SP100: variants seen among roughly 807,000 people sequenced by gnomAD.
SP100 encodes SP100 nuclear body protein.
A neutral mutation model predicts 130.0 loss-of-function variants in SP100; 84 were observed. The observed-to-expected ratio is 0.65, with a 90% CI of 0.54 to 0.77. The LOEUF (loss-of-function observed/expected upper bound fraction) is 0.77. Among genes scored for constraint, SP100 ranks in the 30% least tolerant of loss-of-function variants. SP100 has a pLI of 0.00. For missense variants in SP100, 978 were observed against 1,052.2 expected, an observed-to-expected ratio of 0.93 and a Z score of 0.97; for synonymous variants, 331 against 351.7, an observed-to-expected ratio of 0.94 and a Z score of 0.66.
intron 23 of SP100, chr2:230,508,311 C>CTTTTTT (rs10636838): frequency 1.2e-3 from 181 of 148,082 alleles, no homozygotes; most frequent in Middle Eastern, 3.3e-3. Context: ...AAATGCCATA[C>CTTTTTT]TTTTTTTTTT....
rs1198944857 is a variant in SP100 at position 230,444,246 on chromosome 2, G to A, written c.339G>A (p.Leu113=). 6.2e-7 allele frequency: 1 copy of A among 1,613,058 alleles called. No homozygotes were observed. The highest frequency in any genetic ancestry group is 8.5e-7 in the Non-Finnish European group (1 of 1,179,030). The change falls in exon 4 of 29, where the codon CTG becomes CTA. Residue 113 remains leucine (L), a synonymous_variant. Coordinates refer to ENST00000340126, the MANE Select transcript of SP100 (RefSeq NM_001080391.2). ...TGGTGTACAATGTTCTTAGTGAACTGGAGAAGACATTTAACCTGCCAGTTC... is the reference window on the plus strand; with the variant it reads ...TGGTGTACAATGTTCTTAGTGAACTAGAGAAGACATTTAACCTGCCAGTTC... ...QRVVYNVLSE[L]EKTFNLPVLE...
chr2:230,464,470 A>G (rs1649865), intron 11 of SP100, among the ~76,000 whole-genome samples: 1 of 152,232 alleles, frequency 6.6e-6, no homozygotes, highest in Middle Eastern at 3.2e-3. Context: ...GAAATAATGT[A>G]CTTATTCTCT....
At chr2:230,521,423 C>T (rs931429393) in intron 24 of SP100, among the ~76,000 whole-genome samples, 1 of 152,182 alleles carries the variant, frequency 6.6e-6, no homozygotes, top group African/African-American at 2.4e-5. Context: ...CGGTGCCTGC[C>T]TAACTGACTA....
intron 2 of SP100, among the ~76,000 whole-genome samples, chr2:230,420,481 C>A (rs1326154684): frequency 6.6e-6 from 1 of 152,000 alleles, no homozygotes; most frequent in Non-Finnish European, 1.5e-5. Context: ...TTCCTGATTT[C>A]AAGGGGAATA....
intron 21 of SP100, among the ~76,000 whole-genome samples, chr2:230,504,781 C>T (rs561846422): frequency 1.4e-3 from 212 of 152,138 alleles, no homozygotes; most frequent in South Asian, 6.6e-3. Context: ...CACAGTGAGC[C>T]CTCTTCTTCA....
At chr2:230,526,725 C>T (rs565223910) in intron 24 of SP100, among the ~76,000 whole-genome samples, 9 of 152,260 alleles carry the variant, frequency 5.9e-5, no homozygotes, top group African/African-American at 1.7e-4. Flanking sequence ...TGGAGAAGAA[C>T]TTAAATGACC....
intron 2 of SP100, among the ~76,000 whole-genome samples, chr2:230,422,749 G>T (rs1415848031): frequency 1.3e-5 from 2 of 152,114 alleles, no homozygotes; most frequent in African/African-American, 4.8e-5. Flanking sequence ...TGTTCAACCT[G>T]CCAGGCTTAA....
At chr2:230,534,839 CTAT>C (rs2150111505) in intron 24 of SP100, among the ~76,000 whole-genome samples, 1 of 152,088 alleles carries the variant, frequency 6.6e-6, no homozygotes, top group South Asian at 2.1e-4. Context: ...GTGTCTTTAA[CTAT>C]GGCTTGCTTA....
intron 19 of SP100, among the ~76,000 whole-genome samples, chr2:230,500,268 C>T (rs1006820036): frequency 3.3e-5 from 5 of 152,218 alleles, no homozygotes; most frequent in South Asian, 4.2e-4. Flanking sequence ...TTTGACTGCC[C>T]GGATATACAA....
intron 18 of SP100, among the ~76,000 whole-genome samples, chr2:230,495,465 G>A (rs952982893): frequency 7.2e-5 from 11 of 152,010 alleles, no homozygotes; most frequent in Admixed American, 2.6e-4. Context: ...GATTACAGGC[G>A]CATACCATCA....
chr2:230,449,048 C>G, intron 5 of SP100, 40 bp from the exon 6 acceptor site: 1 of 1,281,536 alleles, frequency 7.8e-7, no homozygotes, highest in Non-Finnish European at 1.1e-6. Flanking sequence ...AAAATCCATA[C>G]CTCGATTTCT....
intron 2 of SP100, among the ~76,000 whole-genome samples, chr2:230,428,591 C>T (rs1459563081): frequency 3.9e-5 from 6 of 152,062 alleles, no homozygotes; most frequent in Non-Finnish European, 8.8e-5. Flanking sequence ...TACAGGCGCC[C>T]GCCACCACAC....
At chr2:230,485,424 G>A (rs1227485090) in intron 17 of SP100, among the ~76,000 whole-genome samples, 2 of 152,034 alleles carry the variant, frequency 1.3e-5, no homozygotes, top group African/African-American at 4.8e-5. Flanking sequence ...CTATTTTCTG[G>A]CTATGGAGTT....
intron 17 of SP100, among the ~76,000 whole-genome samples, chr2:230,487,090 G>T (rs1199809433): frequency 1.3e-5 from 2 of 152,188 alleles, no homozygotes; most frequent in African/African-American, 2.4e-5. Context: ...CAGATGGATA[G>T]ATTGCAAAAA....
chr2:230,511,380 C>CA (rs1380732415), intron 24 of SP100, among the ~76,000 whole-genome samples: 1 of 152,158 alleles, frequency 6.6e-6, no homozygotes, highest in African/African-American at 2.4e-5. Context: ...CAAATTTCCT[C>CA]ATTTCCCTTA....
intron 12 of SP100, 44 bp from the exon 13 acceptor site, chr2:230,467,076 A>G: frequency 7.6e-7 from 1 of 1,317,216 alleles, no homozygotes; most frequent in Non-Finnish European, 1.1e-6. Flanking sequence ...TGGTTCCCTT[A>G]TCATACATTG....
chr2:230,511,780 T>C (rs1690607259), intron 24 of SP100, among the ~76,000 whole-genome samples: 1 of 152,214 alleles, frequency 6.6e-6, no homozygotes, highest in African/African-American at 2.4e-5. Context: ...TGATGAGGCA[T>C]GTTTATTCTC....
chr2:230,438,564 G>T (rs566036059), intron 2 of SP100, among the ~76,000 whole-genome samples: 1 of 150,646 alleles, frequency 6.6e-6, no homozygotes, highest in East Asian at 2.0e-4. Flanking sequence ...TTAGAATAAT[G>T]GTCTCCAACT....
intron 24 of SP100, among the ~76,000 whole-genome samples, chr2:230,514,080 A>G (rs887029981): frequency 6.6e-6 from 1 of 150,864 alleles, no homozygotes; most frequent in African/African-American, 2.4e-5. Flanking sequence ...TAGTCCTAAG[A>G]GTAACCAAAT....
Sources: allele counts gnomAD v4.1 joint callset (sites outside exome capture counted in the v4.1 genomes callset), GRCh38; gene constraint gnomAD v4.1.1; transcripts MANE v1.5; gene names NCBI Gene and HGNC (gene_info 2026-07-23, HGNC 2026-07-21).